Variants in RPGRIP1 observed in about 807,000 individuals in gnomAD.
RPGRIP1 encodes the protein RPGR interacting protein 1, also known as X-linked retinitis pigmentosa GTPase regulator-interacting protein 1.
Under a neutral mutation model 157.9 loss-of-function variants are expected in RPGRIP1, and 128 were observed. That is an observed-to-expected ratio of 0.81 (90% CI 0.70 to 0.94). The LOEUF (loss-of-function observed/expected upper bound fraction) is 0.94. Among genes scored for constraint, RPGRIP1 ranks in the 40% least tolerant of loss-of-function variants. RPGRIP1 has a pLI of 0.00. For missense variants in RPGRIP1, 1,486 were observed against 1,545.8 expected, an observed-to-expected ratio of 0.96 and a Z score of 0.65; for synonymous variants, 554 against 571.6, an observed-to-expected ratio of 0.97 and a Z score of 0.44.
chr14:21,287,891 G>T, intron 1 of RPGRIP1, 48 bp from the exon 2 acceptor site: 1 of 814,186 alleles, frequency 1.2e-6, no homozygotes, highest in Non-Finnish European at 2.1e-6. Flanking sequence ...CGTTTCAGAA[G>T]ACATCCTAAA....
chr14:21,312,537 GT>G, intron 10 of RPGRIP1, 31 bp downstream of exon 10: 1 of 1,440,030 alleles, frequency 6.9e-7, no homozygotes, highest in Non-Finnish European at 9.7e-7. Context: ...CCAGAGCAGT[GT>G]TACTATGAAA....
At chr14:21,318,423 A>T (rs956618599) in intron 11 of RPGRIP1, among the ~76,000 whole-genome samples, 3 of 151,496 alleles carry the variant, frequency 2.0e-5, no homozygotes, top group African/African-American at 7.3e-5. Flanking sequence ...GCCAGTTTTT[A>T]ATTTATTATG....
chr14:21,316,226 C>T lies in RPGRIP1; in HGVS notation c.1152-1470C>T, dbSNP rs540855282. On this transcript the variant is annotated intron_variant, in intron 10 of 24. Coordinates refer to ENST00000400017, the MANE Select transcript of RPGRIP1 (RefSeq NM_020366.4). The stretch of plus-strand genomic sequence containing the variant: ...ACTCCTGACCTCGAGATCTGCCTGC[C>T]TCAGCCTCCCAAAGCACTGGAATTA... Among the ~76,000 whole-genome samples the T allele has an allele frequency of 6.6e-5, 10 of 152,140 alleles. No homozygotes were observed. The East Asian group carries it at 1.9e-3, about 29-fold the overall frequency.
At position 21,317,704 on chromosome 14, in the gene RPGRIP1, A is replaced by G; in HGVS notation, c.1160A>G (p.Asp387Gly). The change falls in exon 11 of 25, where the codon GAC becomes GGC. Residue 387 changes from aspartate (D) to glycine (G), a missense_variant. Coordinates refer to ENST00000400017, the MANE Select transcript of RPGRIP1 (RefSeq NM_020366.4). ...TTGCTTTCCATTGCCAGCATGCTGG[A>G]CAGCAGTGACAGCTCCAGTCAGCCC... ...NYDKLLESML[D>G]SSDSSSQPHW... is the part of the protein sequence containing the mutation. The G allele has an allele frequency of 6.3e-7, 1 of 1,584,362 alleles. No homozygotes were observed. Among genetic ancestry groups the G allele is most frequent in the Non-Finnish European group, 8.6e-7 (1 of 1,165,128 alleles).
intron 2 of RPGRIP1, among the ~76,000 whole-genome samples, chr14:21,293,443 G>GA (rs1013947905): frequency 1.9e-4 from 29 of 151,766 alleles, no homozygotes; most frequent in African/African-American, 6.5e-4. Flanking sequence ...CTAATAAGGA[G>GA]AAAAAAATAG....
chr14:21,301,190 G>C lies in RPGRIP1; in HGVS notation c.443G>C (p.Arg148Thr). 10 of 1,595,656 alleles carry C rather than the reference G, an allele frequency of 6.3e-6. No homozygotes were observed. Among genetic ancestry groups the C allele is most frequent in the Non-Finnish European group, 8.5e-6 (10 of 1,171,866 alleles). ...RAQPRVQVGH[R>T]QLHTAGAPVP... is the part of the protein sequence containing the mutation. ...CAGCCTCGCGTCCAAGTGGGACACAGACAGCTCCACACAGCCGGTGCACCG... is the reference window on the plus strand; with the variant it reads ...CAGCCTCGCGTCCAAGTGGGACACACACAGCTCCACACAGCCGGTGCACCG... The change falls in exon 4 of 25, where the codon AGA becomes ACA. Residue 148 changes from arginine to threonine, a missense_variant. Arg to Thr is a moderately conservative substitution (Grantham distance 71). Transcript: ENST00000400017.
chr14:21,340,200 C>G (rs1884847733), intron 21 of RPGRIP1, among the ~76,000 whole-genome samples: 1 of 152,172 alleles, frequency 6.6e-6, no homozygotes. Context: ...GTTTCTCTTG[C>G]ACACATGTAT....
intron 11 of RPGRIP1, 45 bp downstream of exon 11, chr14:21,317,895 C>A: frequency 6.6e-7 from 1 of 1,516,044 alleles, no homozygotes; most frequent in Non-Finnish European, 9.0e-7. Flanking sequence ...GCATCCTCTA[C>A]CTCTGGTTTG....
At chr14:21,299,776 C>T (rs926496913) in intron 3 of RPGRIP1, among the ~76,000 whole-genome samples, 1 of 152,170 alleles carries the variant, frequency 6.6e-6, no homozygotes, top group African/African-American at 2.4e-5. Context: ...CAAAATACCA[C>T]GGACTGGGTG....
chr14:21,349,834 T>G (rs1186244732), intron 24 of RPGRIP1, among the ~76,000 whole-genome samples: 1 of 152,228 alleles, frequency 6.6e-6, no homozygotes, highest in South Asian at 2.1e-4. Flanking sequence ...TAGATCAGCA[T>G]GTTTTAAAAA....
rs1295566385 is a variant in RPGRIP1 at position 21,330,405 on chromosome 14, C to A, written c.3238+18C>A. On this transcript the variant is annotated intron_variant, in intron 20 of 24. Transcript: ENST00000400017. ...TGTAAATGGTATTGTCTTTTAAAAT[C>A]TATTTTTTTTCCTAGCACTTTGGGA... 6.8e-7 allele frequency: 1 copy of A among 1,461,204 alleles called. No homozygotes were observed. Among genetic ancestry groups the A allele is most frequent in the Non-Finnish European group, 9.0e-7 (1 of 1,108,206 alleles). 90.5% of individuals were successfully genotyped at this position (1,461,204 alleles called of 1,614,324 possible).
intron 1 of RPGRIP1, among the ~76,000 whole-genome samples, chr14:21,280,598 ATT>A (rs1485867815): frequency 6.6e-6 from 1 of 152,044 alleles, no homozygotes; most frequent in African/African-American, 2.4e-5. Flanking sequence ...CCAGCACAAC[ATT>A]ACCAAGTCAT....
intron 14 of RPGRIP1, among the ~76,000 whole-genome samples, chr14:21,322,551 G>A (rs1882618764): frequency 6.6e-6 from 1 of 152,088 alleles, no homozygotes; most frequent in African/African-American, 2.4e-5. Context: ...CCCAGCAATT[G>A]CTTCCAGGGG....
intron 16 of RPGRIP1, 108 bp downstream of exon 16, chr14:21,325,491 A>T: frequency 9.1e-7 from 1 of 1,092,932 alleles, no homozygotes; most frequent in Non-Finnish European, 1.3e-6. Context: ...TGTGAATGAA[A>T]GAGAAAACTG....
intron 10 of RPGRIP1, among the ~76,000 whole-genome samples, chr14:21,317,288 C>T (rs1566679627): frequency 6.6e-6 from 1 of 152,146 alleles, no homozygotes. Context: ...GACAAATATT[C>T]TCTAAACTCA....
intron 3 of RPGRIP1, among the ~76,000 whole-genome samples, chr14:21,300,033 C>T (rs957935054): frequency 1.3e-5 from 2 of 152,284 alleles, no homozygotes; most frequent in South Asian, 2.1e-4. Context: ...CGGTGGCTCA[C>T]GCATGTAATC....
chr14:21,311,033 C>T (rs1451723823), intron 8 of RPGRIP1: 2 of 459,614 alleles, frequency 4.4e-6, no homozygotes, highest in African/African-American at 2.0e-5. Flanking sequence ...AATGTCTGTG[C>T]TTAAGAATCA....
At chr14:21,339,465 T>A (rs946324043) in intron 21 of RPGRIP1, among the ~76,000 whole-genome samples, 1 of 151,914 alleles carries the variant, frequency 6.6e-6, no homozygotes, top group Non-Finnish European at 1.5e-5. Context: ...AAAAGAAAAA[T>A]AATTTTAGAT....
At chr14:21,317,501 C>T in intron 10 of RPGRIP1, 195 bp from the exon 11 acceptor site, 1 of 1,384,606 alleles carries the variant, frequency 7.2e-7, no homozygotes, top group East Asian at 2.5e-5. Flanking sequence ...AGAAATGGTA[C>T]TGAGCAATAA....
Sources: gnomAD v4.1 joint callset for allele counts (sites outside exome capture counted in the v4.1 genomes callset) on GRCh38, gnomAD v4.1.1 for gene constraint, MANE v1.5 for transcripts, NCBI Gene and HGNC (gene_info 2026-07-23, HGNC 2026-07-21) for gene names.